RGPD1: variants seen among roughly 807,000 people sequenced by gnomAD.
RGPD1 encodes the protein RANBP2 like and GRIP domain containing 1.
RGPD1 carries 7 observed loss-of-function variants against 40.6 expected under a neutral mutation model. The ratio of observed to expected loss-of-function variants is 0.17; its 90% CI spans 0.10 to 0.32. The LOEUF is 0.32. RGPD1 is among the 10% of genes least tolerant of loss of function. RGPD1 has a pLI of 1.00. For missense variants in RGPD1, 50 were observed against 472.5 expected (o/e 0.11, Z 8.29); for synonymous variants, 24 against 167.0 (o/e 0.14, Z 6.60).
chr2:86,960,725 G>A (rs1360522405), intron 6 of RGPD1, among the ~76,000 whole-genome samples: 1 of 90,974 alleles, frequency 1.1e-5, no homozygotes, highest in African/African-American at 8.5e-5. Context: ...GAGTAGCTGG[G>A]CCTACAGGTG....
chr2:86,914,610 GGGCGGC>G (rs1197363366), intron 1 of RGPD1, among the ~76,000 whole-genome samples: 3 of 38,552 alleles, frequency 7.8e-5, no homozygotes, highest in African/African-American at 5.4e-4. Flanking sequence ...CGACCTGGCC[GGGCGGC>G]GGCGGCGGCG....
intron 1 of RGPD1, among the ~76,000 whole-genome samples, chr2:86,931,322 T>C (rs2104712503): frequency 6.6e-6 from 1 of 151,880 alleles, no homozygotes; most frequent in South Asian, 2.1e-4. Context: ...TGCATGTTAG[T>C]ATCTTAAATT....
chr2:86,929,296 T>G (rs1678730326), intron 1 of RGPD1, among the ~76,000 whole-genome samples: 1 of 150,038 alleles, frequency 6.7e-6, no homozygotes, highest in Non-Finnish European at 1.5e-5. Context: ...GTGGGTGACC[T>G]TGAATTCACC....
intron 1 of RGPD1, among the ~76,000 whole-genome samples, chr2:86,920,258 C>T (rs570690420): frequency 4.0e-5 from 6 of 151,604 alleles, no homozygotes; most frequent in Admixed American, 1.3e-4. Flanking sequence ...TTAGTAGAGA[C>T]GGGGTTTTGC....
intron 1 of RGPD1, chr2:86,930,593 A>G (rs1160912256): frequency 1.2e-6 from 2 of 1,604,040 alleles, no homozygotes; most frequent in Non-Finnish European, 1.7e-6. Context: ...ACCAGAGCTC[A>G]TAGTAGTAGG....
chr2:86,943,935 A>AC (rs1357446565), intron 1 of RGPD1, among the ~76,000 whole-genome samples: 3 of 151,054 alleles, frequency 2.0e-5, no homozygotes, highest in Non-Finnish European at 4.4e-5. Flanking sequence ...AGTCGCTTGA[A>AC]CCCGGGAGGT....
chr2:86,988,459 A>AC (rs1681579754), intron 20 of RGPD1, among the ~76,000 whole-genome samples: 1 of 101,396 alleles, frequency 9.9e-6, no homozygotes, highest in African/African-American at 3.5e-5. Flanking sequence ...AAAAAAAAAA[A>AC]CAAAAAAACA....
intron 17 of RGPD1, among the ~76,000 whole-genome samples, 167 bp downstream of exon 17, chr2:86,978,098 G>C (rs1430745024): frequency 6.7e-5 from 8 of 119,552 alleles, no homozygotes; most frequent in African/African-American, 1.1e-4. Flanking sequence ...GCAGGGTCTT[G>C]TTGTGCAGGC....
upstream of RGPD1, among the ~76,000 whole-genome samples, chr2:86,941,735 G>C (rs1679773033): frequency 6.7e-6 from 1 of 149,990 alleles, no homozygotes; most frequent in Non-Finnish European, 1.5e-5. Flanking sequence ...TTTTTTTTTA[G>C]GAAGTCTTAC....
intron 2 of RGPD1, among the ~76,000 whole-genome samples, chr2:86,951,908 C>A: frequency 1.9e-5 from 2 of 107,918 alleles, no homozygotes; most frequent in Admixed American, 9.9e-5. Context: ...TAGGCAGTAT[C>A]TGTCTCTCTT....
Position 86,930,283 on chromosome 2 carries a change from C to T in RGPD1, c.72+16362C>T. On this transcript the variant is annotated intron_variant, in intron 1 of 22. Coordinates refer to the RGPD1 transcript ENST00000398193. The stretch of plus-strand genomic sequence containing the variant: ...TGAGGAGGAACAGCAGGTTTGTTCA[C>T]TGGAAGCAGTCAAGGGGCGGCCTGG... The T allele has an allele frequency of 3.1e-6, 4 of 1,284,256 alleles. No individual in the cohort carries two copies. In the South Asian group the frequency reaches 3.7e-5, roughly 12 times the overall value. 79.6% of individuals were successfully genotyped at this position (1,284,256 alleles called of 1,614,324 possible). A position where few individuals can be genotyped will look rare whatever the true frequency, so the allele number is the denominator to read the frequency against.
chr2:86,936,128 C>G (rs547289629), intron 1 of RGPD1, among the ~76,000 whole-genome samples: 60 of 136,164 alleles, frequency 4.4e-4, no homozygotes, highest in Middle Eastern at 3.8e-3. Context: ...GCCTCAGCCT[C>G]CCACGTAGCT....
intron 1 of RGPD1, among the ~76,000 whole-genome samples, chr2:86,920,223 C>G (rs1198215951): frequency 1.3e-5 from 2 of 151,780 alleles, no homozygotes; most frequent in Admixed American, 6.6e-5. Flanking sequence ...GCATGCACCT[C>G]CACGCCTGGC....
intron 4 of RGPD1, among the ~76,000 whole-genome samples, chr2:86,954,486 G>A (rs1379097130): frequency 1.2e-4 from 2 of 17,126 alleles, no homozygotes; most frequent in East Asian, 1.8e-3. Flanking sequence ...TACAGGTTGA[G>A]CATTTAAAAT....
Position 87,013,424 on chromosome 2 carries a change from GAC to G in RGPD1, c.*879_*880del, listed in dbSNP as rs999252640. 5 of 143,284 alleles carry G rather than the reference GAC, an allele frequency of 3.5e-5. 2 individuals carry two copies. The highest frequency in any genetic ancestry group is 2.3e-4 in the African/African-American group (5 of 22,208). 8.9% of individuals were successfully genotyped at this position (143,284 alleles called of 1,614,324 possible). A position where few individuals can be genotyped will look rare whatever the true frequency, so the allele number is the denominator to read the frequency against. ...TAGAGCTCACATTCTAGTGGAATCA[GAC>G]AGGGGGGTTACAGGAAATATTCAAG... On this transcript the variant is annotated 3_prime_UTR_variant, in exon 23 of 23. Transcript: ENST00000641458.
intron 1 of RGPD1, among the ~76,000 whole-genome samples, chr2:86,929,742 A>G (rs1022992585): frequency 8.4e-5 from 10 of 118,464 alleles, no homozygotes; most frequent in African/African-American, 3.1e-4. Context: ...CTTTAATGAG[A>G]TCAAAGGCTC....
chr2:86,971,097 T>C (rs1464339417), intron 8 of RGPD1, among the ~76,000 whole-genome samples: 1 of 20,510 alleles, frequency 4.9e-5, no homozygotes, highest in Non-Finnish European at 7.9e-5. Context: ...TGCAGTGGCG[T>C]GATCTCGGCT....
upstream of RGPD1, chr2:86,913,679 G>C (rs373040314): frequency 4.5e-4 from 591 of 1,315,236 alleles, 6 homozygotes; most frequent in East Asian, 0.01. Context: ...GAGTGCAGCT[G>C]GAGCGCCGAC....
At chr2:86,918,163 G>A (rs1472697396) in intron 1 of RGPD1, among the ~76,000 whole-genome samples, 2 of 150,892 alleles carry the variant, frequency 1.3e-5, no homozygotes, top group Non-Finnish European at 3.0e-5. Flanking sequence ...TACTTTAGCC[G>A]AGTACTATAC....
Sources: allele counts gnomAD v4.1 joint callset (sites outside exome capture counted in the v4.1 genomes callset), GRCh38; gene constraint gnomAD v4.1.1; transcripts MANE v1.5; gene names NCBI Gene and HGNC (gene_info 2026-07-23, HGNC 2026-07-21).